Variants in GARNL3 observed in about 807,000 individuals in gnomAD.
GARNL3 encodes GTPase activating Rap/RanGAP domain like 3, also known as GTPase-activating Rap/Ran-GAP domain-like protein 3.
GARNL3 carries 63 observed loss-of-function variants against 125.0 expected under a neutral mutation model. That is an observed-to-expected ratio of 0.50 (90% confidence interval 0.41 to 0.62). The LOEUF (loss-of-function observed/expected upper bound fraction) is 0.62, where lower values mean the gene tolerates loss of function less well. GARNL3 is among the 20% of genes least tolerant of loss of function. The pLI, the probability that GARNL3 is intolerant of heterozygous loss-of-function variation, is 0.00. For synonymous variants in GARNL3, 439 were observed against 457.5 expected (o/e 0.96, Z 0.52); for missense variants, 994 against 1,244.0 (o/e 0.80, Z 3.02).
chr9:127,279,863 A>G (rs995670407), intron 1 of GARNL3, among the ~76,000 whole-genome samples: 6 of 151,848 alleles, frequency 4.0e-5, no homozygotes, highest in Admixed American at 1.3e-4. Flanking sequence ...ATCATTGTTC[A>G]TTTGGGACTG....
chr9:127,224,906 GGGGCGGGGCGTGGGCGGGGCGT>G lies in GARNL3; in HGVS notation c.-29+589_-29+610del, dbSNP rs71377990. Among the ~76,000 whole-genome samples the G allele has an allele frequency of 5.8e-3, 588 of 101,062 alleles. 5 individuals are homozygous for G. Among genetic ancestry groups the G allele is most frequent in the East Asian group, 0.014 (41 of 2,938 alleles). The allele number at this position is 101,062 out of a possible 152,430, so 66.3% of individuals were successfully genotyped here. A position where few individuals can be genotyped will look rare whatever the true frequency, so the allele number is the denominator to read the frequency against. On this transcript the variant is annotated intron_variant, in intron 1 of 10. Coordinates refer to the GARNL3 transcript ENST00000439286. ...CGCGGGAGGGGCGTTACCGGAGCGC[GGGGCGGGGCGTGGGCGGGGCGT>G]GGGCGGGGCGTGGGCGGGGCCTGCT...
intron 1 of GARNL3, among the ~76,000 whole-genome samples, chr9:127,281,121 A>G (rs993415470): frequency 1.3e-5 from 2 of 152,036 alleles, no homozygotes; most frequent in East Asian, 3.9e-4. Context: ...TGGGGTGGTA[A>G]GTGCAGCCTG....
chr9:127,374,668 A>C (rs1222754929), intron 22 of GARNL3, among the ~76,000 whole-genome samples: 1 of 152,224 alleles, frequency 6.6e-6, no homozygotes, highest in Non-Finnish European at 1.5e-5. Context: ...AACCCAGTTA[A>C]AAAGAGGGCA....
intron 22 of GARNL3, chr9:127,368,929 TCAAAACAAAA>T (rs148678976): frequency 2.0e-5 from 3 of 150,268 alleles, no homozygotes; most frequent in African/African-American, 2.5e-5. Flanking sequence ...AGCAAGACTG[TCAAAACAAAA>T]CAAAACAAAA....
At chr9:127,368,443 G>A (rs767085106) in intron 22 of GARNL3, among the ~76,000 whole-genome samples, 11 of 150,332 alleles carry the variant, frequency 7.3e-5, no homozygotes, top group East Asian at 4.0e-4. Flanking sequence ...CAATTCTCCC[G>A]TCTCAGCCTC....
chr9:127,387,743 CA>C (rs59031446), intron 25 of GARNL3, among the ~76,000 whole-genome samples: 842 of 57,900 alleles, frequency 0.015, 6 homozygotes, highest in African/African-American at 0.036. Context: ...ACTCTGTCTA[CA>C]AAAAAAAAAA....
intron 2 of GARNL3, chr9:127,300,747 GCCTGGC>G (rs2064759957): frequency 5.7e-6 from 2 of 353,082 alleles, no homozygotes; most frequent in Non-Finnish European, 1.1e-5. Flanking sequence ...GAGCCACCGC[GCCTGGC>G]CCTATTTGGG....
At chr9:127,272,149 G>A (rs2063838281) in intron 1 of GARNL3, among the ~76,000 whole-genome samples, 1 of 150,102 alleles carries the variant, frequency 6.7e-6, no homozygotes, top group African/African-American at 2.5e-5. Flanking sequence ...TTGTATTTTT[G>A]TTCAGGCACA....
chr9:127,374,193 TG>T lies in GARNL3; in HGVS notation c.2161+8830del, dbSNP rs1831762241. On this transcript the variant is annotated intron_variant, in intron 22 of 27. Transcript: ENST00000373387. The stretch of plus-strand genomic sequence containing the variant: ...GCTCATGCCTGTAATCCCAGCTAAT[TG>T]GGAGGCTGAGGCAGGAGAATCACTT... Among the ~76,000 whole-genome samples, 3 of 151,924 alleles carry T rather than the reference TG, an allele frequency of 2.0e-5. No homozygotes were observed. The South Asian group carries it at 6.2e-4, about 32-fold the overall frequency.
At chr9:127,250,863 C>T (rs118151532) in intron 2 of GARNL3, among the ~76,000 whole-genome samples, 24 of 152,208 alleles carry the variant, frequency 1.6e-4, no homozygotes, top group Middle Eastern at 3.4e-3. Flanking sequence ...CCTGCCAGGA[C>T]GTCCTGGCCC....
chr9:127,279,820 T>C (rs1287850240), intron 1 of GARNL3, among the ~76,000 whole-genome samples: 1 of 152,214 alleles, frequency 6.6e-6, no homozygotes, highest in Admixed American at 6.5e-5. Flanking sequence ...GACCTTTTTT[T>C]CAACATTCAG....
At chr9:127,252,558 G>C (rs1335646198) in intron 2 of GARNL3, among the ~76,000 whole-genome samples, 1 of 152,172 alleles carries the variant, frequency 6.6e-6, no homozygotes, top group South Asian at 2.1e-4. Flanking sequence ...TAGGAACTGA[G>C]GTCCATGAAG....
At chr9:127,232,181 A>G (rs1262768458) in intron 1 of GARNL3, among the ~76,000 whole-genome samples, 1 of 152,236 alleles carries the variant, frequency 6.6e-6, no homozygotes, top group African/African-American at 2.4e-5. Context: ...GGCCACTTGC[A>G]GTACCAATGT....
intron 1 of GARNL3, among the ~76,000 whole-genome samples, chr9:127,286,081 T>A (rs1319108402): frequency 6.6e-6 from 1 of 152,218 alleles, no homozygotes. Flanking sequence ...TTGATCAGAT[T>A]AGATAACATC....
At chr9:127,309,977 C>A (rs2065051291) in intron 2 of GARNL3, among the ~76,000 whole-genome samples, 1 of 152,164 alleles carries the variant, frequency 6.6e-6, no homozygotes, top group Admixed American at 6.5e-5. Flanking sequence ...GGAAAACTGA[C>A]ATCTAACACA....
At chr9:127,295,738 T>TA (rs1554903970) in intron 2 of GARNL3, among the ~76,000 whole-genome samples, 1 of 152,066 alleles carries the variant, frequency 6.6e-6, no homozygotes, top group East Asian at 1.9e-4. Context: ...TTTTTTTTTT[T>TA]ACTATTACTG....
In GARNL3 at chr9:127,393,363, T is replaced by G; in HGVS notation, c.*109T>G. ...AATGTGGCTTTTAGCCTGTCAGTGA[T>G]CTATTGGACCAAACCTTCTGCACAC... On this transcript the variant is annotated 3_prime_UTR_variant, in exon 28 of 28. Coordinates refer to ENST00000373387, the MANE Select transcript of GARNL3 (RefSeq NM_032293.5). 1 of 1,000,342 alleles carries G rather than the reference T, an allele frequency of 1.0e-6. No homozygotes were observed. Among genetic ancestry groups the G allele is most frequent in the Non-Finnish European group, 1.5e-6 (1 of 676,730 alleles). 62.0% of individuals were successfully genotyped at this position (1,000,342 alleles called of 1,614,324 possible). A position where few individuals can be genotyped will look rare whatever the true frequency, so the allele number is the denominator to read the frequency against.
chr9:127,269,298 C>T (rs1053253955), intron 1 of GARNL3, among the ~76,000 whole-genome samples: 1 of 152,208 alleles, frequency 6.6e-6, no homozygotes, highest in Non-Finnish European at 1.5e-5. Flanking sequence ...CCGCACCCAG[C>T]GTGTTTATTG....
At chr9:127,360,886 A>G (rs1334326097) in intron 21 of GARNL3, among the ~76,000 whole-genome samples, 1 of 152,244 alleles carries the variant, frequency 6.6e-6, no homozygotes, top group East Asian at 1.9e-4. Flanking sequence ...CTAAAGCAAC[A>G]TTCTGAAAGT....
Sources: gnomAD v4.1 joint callset for allele counts (sites outside exome capture counted in the v4.1 genomes callset) on GRCh38, gnomAD v4.1.1 for gene constraint, MANE v1.5 for transcripts, NCBI Gene and HGNC (gene_info 2026-07-23, HGNC 2026-07-21) for gene names.